SRGAP3: variants seen among roughly 807,000 people sequenced by gnomAD.
The protein encoded by SRGAP3 is SLIT-ROBO Rho GTPase activating protein 3, also known as SLIT-ROBO Rho GTPase-activating protein 3.
In SRGAP3, 39 loss-of-function variants were observed where a neutral mutation model predicts 121.1. The ratio of observed to expected loss-of-function variants is 0.32; its 90% confidence interval spans 0.25 to 0.42. The LOEUF is 0.42. Ranked by LOEUF, SRGAP3 falls within the 10% of genes least tolerant of loss-of-function variation. The pLI is 1.00. For missense variants in SRGAP3, 1,213 were observed against 1,470.6 expected, an observed-to-expected ratio of 0.82 and a Z score of 2.86; for synonymous variants, 601 against 570.0, an observed-to-expected ratio of 1.05 and a Z score of -0.77.
intron 1 of SRGAP3, among the ~76,000 whole-genome samples, chr3:9,134,111 G>T (rs56369407): frequency 0.04 from 6,159 of 152,204 alleles, 402 homozygotes; most frequent in African/African-American, 0.14. Flanking sequence ...GGAGGCCTCT[G>T]CCCCTTGCCT....
chr3:9,014,494 T>C lies in SRGAP3; in HGVS notation c.1814-652A>G, dbSNP rs149524806. ...TCTGGCAGATGCTTGGGATCTCATC[T>C]CTGACCCCTGTTTCCAGGTCATCCT... On this transcript the variant is annotated intron_variant, in intron 15 of 21. Transcript: ENST00000383836. Among the ~76,000 whole-genome samples the C allele has an allele frequency of 3.9e-3, 595 of 152,296 alleles. 2 individuals carry two copies. The highest frequency in any genetic ancestry group is 0.014 in the African/African-American group (569 of 41,564).
chr3:8,990,185 G>A (rs1433502880), intron 21 of SRGAP3, among the ~76,000 whole-genome samples: 1 of 152,244 alleles, frequency 6.6e-6, no homozygotes, highest in Non-Finnish European at 1.5e-5. Context: ...ATGAATGAAT[G>A]AGTGAATGAA....
At chr3:9,052,433 C>T (rs1396046354) in intron 9 of SRGAP3, among the ~76,000 whole-genome samples, 1 of 152,204 alleles carries the variant, frequency 6.6e-6, no homozygotes, top group Non-Finnish European at 1.5e-5. Flanking sequence ...AGGGATGTGG[C>T]TGAACTGACT....
intron 1 of SRGAP3, among the ~76,000 whole-genome samples, chr3:9,345,310 G>C (rs1300321893): frequency 6.6e-6 from 1 of 151,958 alleles, no homozygotes; most frequent in Non-Finnish European, 1.5e-5. Context: ...GGACAAAACA[G>C]GGAGACACCT....
intron 1 of SRGAP3, among the ~76,000 whole-genome samples, chr3:9,167,139 G>C (rs1414847186): frequency 6.6e-6 from 1 of 152,124 alleles, no homozygotes; most frequent in Non-Finnish European, 1.5e-5. Flanking sequence ...ACCTGTGACA[G>C]CAATTCTCCT....
At chr3:9,294,812 C>T (rs1234781416) in intron 3 of SRGAP3, among the ~76,000 whole-genome samples, 1 of 151,502 alleles carries the variant, frequency 6.6e-6, no homozygotes, top group Non-Finnish European at 1.5e-5. Flanking sequence ...GACTATTACA[C>T]AGTAATCTCT....
At chr3:9,131,183 A>C (rs895832111) in intron 1 of SRGAP3, among the ~76,000 whole-genome samples, 1 of 152,252 alleles carries the variant, frequency 6.6e-6, no homozygotes. Context: ...AAATAAAATA[A>C]AACAGAATTG....
chr3:9,055,528 G>A lies in SRGAP3; in HGVS notation c.1125+705C>T, dbSNP rs145232043. ...CTGGTATTTCCATCTGTACCCACTTGCTGAGAATCCTATGCCCCACAGCTG... is the reference window on the plus strand; with the variant it reads ...CTGGTATTTCCATCTGTACCCACTTACTGAGAATCCTATGCCCCACAGCTG... On this transcript the variant is annotated intron_variant, in intron 8 of 21. Transcript: ENST00000383836. 1.9e-3 allele frequency among the ~76,000 whole-genome samples: 289 copies of A among 152,324 alleles called. 1 individual carries two copies. Among genetic ancestry groups the A allele is most frequent in the African/African-American group, 6.6e-3 (276 of 41,556 alleles).
intron 2 of SRGAP3, among the ~76,000 whole-genome samples, chr3:9,112,385 C>T (rs993104923): frequency 6.6e-6 from 1 of 152,228 alleles, no homozygotes; most frequent in African/African-American, 2.4e-5. Context: ...GCATTCATTG[C>T]ACTTGCTTGT....
At chr3:9,175,791 G>T (rs1489214307) in intron 1 of SRGAP3, among the ~76,000 whole-genome samples, 1 of 152,188 alleles carries the variant, frequency 6.6e-6, no homozygotes, top group African/African-American at 2.4e-5. Context: ...GCTTCTACAT[G>T]TTTAGAGAGA....
At chr3:9,042,793 G>A (rs1945082964) in intron 10 of SRGAP3, among the ~76,000 whole-genome samples, 2 of 152,196 alleles carry the variant, frequency 1.3e-5, no homozygotes. Flanking sequence ...GATGGCCTGG[G>A]ATTGTAGTGA....
chr3:9,348,318 CAA>C (rs1955943692), intron 1 of SRGAP3: 9 of 390,936 alleles, frequency 2.3e-5, no homozygotes, highest in South Asian at 1.9e-4. Context: ...AAGAAAGAGA[CAA>C]AGAGTGAAAA....
intron 3 of SRGAP3, among the ~76,000 whole-genome samples, chr3:9,271,235 G>A (rs1439975553): frequency 2.0e-5 from 3 of 152,200 alleles, no homozygotes; most frequent in South Asian, 2.1e-4. Context: ...CTGGGAGGCT[G>A]AGGCACAAGA....
At chr3:9,002,362 A>T (rs772440194) in intron 18 of SRGAP3, among the ~76,000 whole-genome samples, 8 of 152,244 alleles carry the variant, frequency 5.3e-5, no homozygotes, top group Non-Finnish European at 8.8e-5. Flanking sequence ...TTGAAGAAAA[A>T]AATCAAAAGA....
chr3:9,150,642 T>C (rs1429590871), intron 1 of SRGAP3, among the ~76,000 whole-genome samples: 1 of 152,026 alleles, frequency 6.6e-6, no homozygotes, highest in Admixed American at 6.5e-5. Flanking sequence ...CTGTTTCTCA[T>C]ACAGGGACTG....
At chr3:9,012,998 T>C (rs1943449270) in intron 17 of SRGAP3, among the ~76,000 whole-genome samples, 1 of 152,288 alleles carries the variant, frequency 6.6e-6, no homozygotes, top group Admixed American at 6.5e-5. Context: ...GACCAAGTCC[T>C]TGTGGTAATA....
intron 9 of SRGAP3, chr3:9,049,556 C>T (rs1945457741): frequency 2.2e-6 from 1 of 453,452 alleles, no homozygotes; most frequent in Non-Finnish European, 4.4e-6. Flanking sequence ...GCCTCCCTGT[C>T]CTCCCCAGTG....
At chr3:9,081,915 G>C (rs377450415) in intron 3 of SRGAP3, among the ~76,000 whole-genome samples, 1 of 152,214 alleles carries the variant, frequency 6.6e-6, no homozygotes, top group African/African-American at 2.4e-5. Flanking sequence ...GTATTAGGAG[G>C]TGACGTCTTT....
At chr3:9,019,300 T>C (rs1489190801) in intron 14 of SRGAP3, among the ~76,000 whole-genome samples, 1 of 152,252 alleles carries the variant, frequency 6.6e-6, no homozygotes, top group Non-Finnish European at 1.5e-5. Flanking sequence ...ACTGGGGCTA[T>C]GCCATTTTAT....
Sources: allele counts gnomAD v4.1 joint callset (sites outside exome capture counted in the v4.1 genomes callset), GRCh38; gene constraint gnomAD v4.1.1; transcripts MANE v1.5; gene names NCBI Gene and HGNC (gene_info 2026-07-23, HGNC 2026-07-21).